Variants in UNKL observed in about 807,000 individuals in gnomAD.
The protein encoded by UNKL is unk like zinc finger.
UNKL carries 60 observed loss-of-function variants against 78.0 expected under a neutral mutation model. That is an observed-to-expected ratio of 0.77 (90% CI 0.63 to 0.95). The LOEUF is 0.95. Ranked by LOEUF, UNKL falls within the 40% of genes least tolerant of loss-of-function variation. The pLI, the probability that UNKL is intolerant of heterozygous loss-of-function variation, is 0.00. For synonymous variants in UNKL, 608 were observed against 474.8 expected (o/e 1.28, Z -3.65); for missense variants, 1,159 against 1,045.7 (o/e 1.11, Z -1.49).
chr16:1,400,518 T>C (rs957170472), intron 4 of UNKL, among the ~76,000 whole-genome samples: 2 of 138,984 alleles, frequency 1.4e-5, no homozygotes, highest in African/African-American at 5.3e-5. Context: ...GGCCAGTGAG[T>C]GCAGGGACCA....
intron 12 of UNKL, 191 bp downstream of exon 12, chr16:1,369,939 C>T: frequency 6.5e-7 from 1 of 1,547,980 alleles, no homozygotes; most frequent in Non-Finnish European, 8.7e-7. Flanking sequence ...CGTACCATTG[C>T]AGTCCAACCT....
intron 8 of UNKL, among the ~76,000 whole-genome samples, chr16:1,392,386 G>A (rs373372150): frequency 3.4e-4 from 51 of 152,104 alleles, no homozygotes; most frequent in African/African-American, 1.2e-3. Flanking sequence ...CTTACCTTCC[G>A]CCAGTCTCCC....
At position 1,365,645 on chromosome 16, in the gene UNKL, G is replaced by A. The variant is rs1344051297; in HGVS notation, c.*595C>T. The stretch of plus-strand genomic sequence containing the variant: ...TAATTGGAAAATGTAAAAATCCTAG[G>A]TCTTACTACTAGATAAACACTCATT... On this transcript the variant is annotated 3_prime_UTR_variant, in exon 15 of 15. Coordinates refer to ENST00000389221, the MANE Select transcript of UNKL (RefSeq NM_001372107.1). The A allele has an allele frequency of 6.6e-6, 1 of 152,390 alleles. No homozygotes were observed. The highest frequency in any genetic ancestry group is 1.5e-5 in the Non-Finnish European group (1 of 68,000). 9.4% of individuals were successfully genotyped at this position (152,390 alleles called of 1,614,324 possible). A position where few individuals can be genotyped will look rare whatever the true frequency, so the allele number is the denominator to read the frequency against.
chr16:1,377,870 G>A (rs545049952), intron 10 of UNKL, among the ~76,000 whole-genome samples: 1 of 152,070 alleles, frequency 6.6e-6, no homozygotes, highest in Non-Finnish European at 1.5e-5. Flanking sequence ...TGGGCTGCTC[G>A]CTCAACCCAC....
At chr16:1,393,070 C>CGCA (rs1230666321) in intron 7 of UNKL, 94 bp from the exon 8 acceptor site, 1 of 1,296,892 alleles carries the variant, frequency 7.7e-7, no homozygotes, top group African/African-American at 1.5e-5. Flanking sequence ...GCCGAGTGTG[C>CGCA]GCAGCCTCGT....
intron 10 of UNKL, among the ~76,000 whole-genome samples, chr16:1,376,982 T>C (rs551505842): frequency 7.2e-5 from 11 of 152,096 alleles, no homozygotes; most frequent in East Asian, 5.8e-4. Flanking sequence ...GCCACGTACC[T>C]AGGTGCGACG....
intron 6 of UNKL, chr16:1,396,952 C>T: frequency 1.8e-6 from 1 of 556,636 alleles, no homozygotes; most frequent in Non-Finnish European, 3.2e-6. Flanking sequence ...TCTTCTGTTA[C>T]AGGCCAAGTG....
chr16:1,380,673 A>ATTTTTTTTTTTTTTTT lies in UNKL; in HGVS notation c.1264+4519_1264+4534dup, dbSNP rs57595079. ...TTCACCTCTGAGTAGCTGGTTCAGG[A>ATTTTTTTTTTTTTTTT]TTTTTTTTTTTTTTTTTTTGAGAAC... is the stretch of plus-strand genomic sequence containing the variant. On this transcript the variant is annotated intron_variant, in intron 10 of 14. Coordinates refer to ENST00000389221, the MANE Select transcript of UNKL (RefSeq NM_001372107.1). Among the ~76,000 whole-genome samples the ATTTTTTTTTTTTTTTT allele has an allele frequency of 4.8e-4, 48 of 99,396 alleles. 4 individuals are homozygous for ATTTTTTTTTTTTTTTT. The highest frequency in any genetic ancestry group is 1.7e-3 in the African/African-American group (41 of 24,752). 65.2% of individuals were successfully genotyped at this position (99,396 alleles called of 152,430 possible). A position where few individuals can be genotyped will look rare whatever the true frequency, so the allele number is the denominator to read the frequency against.
rs1214607184 is a variant in UNKL at position 1,387,564 on chromosome 16, G to A, written c.1087-2179C>T. 1.3e-5 allele frequency among the ~76,000 whole-genome samples: 2 copies of A among 152,308 alleles called. No homozygotes were observed. Among genetic ancestry groups the A allele is most frequent in the African/African-American group, 4.8e-5 (2 of 41,556 alleles). ...GAGCCGACCTTCTCTACCAGCAAAG[G>A]ACAGGGCCACCTGGGCTGTGGGGCT... is the stretch of plus-strand genomic sequence containing the variant. On this transcript the variant is annotated intron_variant, in intron 9 of 14. Coordinates refer to ENST00000389221, the MANE Select transcript of UNKL (RefSeq NM_001372107.1). The surrounding 1 kb of genome is among the most constrained non-coding windows in gnomAD (Gnocchi z 4.1).
chr16:1,411,033 C>T (rs974227168), intron 2 of UNKL, among the ~76,000 whole-genome samples: 2 of 151,930 alleles, frequency 1.3e-5, no homozygotes, highest in African/African-American at 2.4e-5. Flanking sequence ...GGTAACACAG[C>T]GAGACTCCAT....
chr16:1,414,638 C>T lies in UNKL; in HGVS notation c.54G>A (p.Gln18=). 8.9e-7 allele frequency: 1 copy of T among 1,123,972 alleles called. No individual in the cohort carries two copies. The highest frequency in any genetic ancestry group is 1.1e-6 in the Non-Finnish European group (1 of 909,862). 69.6% of individuals were successfully genotyped at this position (1,123,972 alleles called of 1,614,324 possible). A position where few individuals can be genotyped will look rare whatever the true frequency, so the allele number is the denominator to read the frequency against. Residue 18 remains glutamine, a synonymous_variant, in exon 1 of 15, where the codon CAG becomes CAA. Coordinates refer to ENST00000389221, the MANE Select transcript of UNKL (RefSeq NM_001372107.1). Reference sequence around the variant, plus strand: ...ACCTGTAGTGGGTCGGCTTCTCAGTCTGCGGGGGGGACCCGCTCAGCGCCG... The same window carrying T: ...ACCTGTAGTGGGTCGGCTTCTCAGTTTGCGGGGGGGACCCGCTCAGCGCCG... ...AAAALSGSPP[Q]TEKPTHYRYL...
At chr16:1,398,379 T>C in intron 5 of UNKL, 3 of 1,018,774 alleles carry the variant, frequency 2.9e-6, no homozygotes, top group Non-Finnish European at 3.5e-6. Context: ...AAAAATAATT[T>C]TTATTTTCTT....
chr16:1,398,023 G>A (rs1245569445), intron 5 of UNKL, among the ~76,000 whole-genome samples: 1 of 152,258 alleles, frequency 6.6e-6, no homozygotes, highest in Admixed American at 6.5e-5. Flanking sequence ...TTTAACTTGA[G>A]TCTCAGTCAG....
At chr16:1,378,797 G>A (rs1177528795) in intron 10 of UNKL, 2 of 152,178 alleles carry the variant, frequency 1.3e-5, no homozygotes, top group East Asian at 3.9e-4. Context: ...AGAGGGTCCT[G>A]GAGGCTCCAC....
Position 1,399,168 on chromosome 16 carries a change from G to A in UNKL, c.734+206C>T. The A allele has an allele frequency of 9.0e-7, 1 of 1,106,730 alleles. No homozygotes were observed. The highest frequency in any genetic ancestry group is 1.2e-6 in the Non-Finnish European group (1 of 803,944). The allele number at this position is 1,106,730 out of a possible 1,614,324, so 68.6% of individuals were successfully genotyped here. Reference sequence around the variant, plus strand: ...ACTGCATGGGAGACACTGAGCGTAGGTGGGGAGGCCCATCCCCAGGACAGA... The same window carrying A: ...ACTGCATGGGAGACACTGAGCGTAGATGGGGAGGCCCATCCCCAGGACAGA... On this transcript the variant is annotated intron_variant, in intron 5 of 14. Coordinates refer to ENST00000389221, the MANE Select transcript of UNKL (RefSeq NM_001372107.1). This position sits in a 1 kb window ranked among gnomAD's most constrained non-coding sequence, Gnocchi z 5.8.
intron 14 of UNKL, 131 bp downstream of exon 14, chr16:1,366,961 C>T: frequency 1.4e-6 from 2 of 1,417,904 alleles, no homozygotes; most frequent in Non-Finnish European, 1.8e-6. Context: ...ACCGTCTCCT[C>T]CTCCCTAGGC....
chr16:1,388,667 G>A (rs537245651), intron 9 of UNKL, among the ~76,000 whole-genome samples: 21 of 152,278 alleles, frequency 1.4e-4, no homozygotes, highest in Non-Finnish European at 2.6e-4. Context: ...CCATCCACAT[G>A]AGGGATGGGC....
At position 1,397,317 on chromosome 16, in the gene UNKL, G is replaced by A. The variant is rs1481294167; in HGVS notation, c.735-22C>T. The A allele has an allele frequency of 5.7e-6, 4 of 707,690 alleles. No homozygotes were observed. In the African/African-American group the frequency reaches 7.3e-5, roughly 13 times the overall value. The allele number at this position is 707,690 out of a possible 1,614,324, so 43.8% of individuals were successfully genotyped here. A position where few individuals can be genotyped will look rare whatever the true frequency, so the allele number is the denominator to read the frequency against. ...GGACCTGGGGATGAGGAGGTGTCAG[G>A]GGGACACAGAGGACTTGGCTCCCCG... On this transcript the variant is annotated intron_variant, in intron 5 of 14. Coordinates refer to ENST00000389221, the MANE Select transcript of UNKL (RefSeq NM_001372107.1).
At chr16:1,409,155 G>A (rs1352231739) in intron 2 of UNKL, among the ~76,000 whole-genome samples, 1 of 152,126 alleles carries the variant, frequency 6.6e-6, no homozygotes, top group Non-Finnish European at 1.5e-5. Flanking sequence ...CTCGTGATCT[G>A]CCCGCCTCGG....
Sources: gnomAD v4.1 joint callset for allele counts (sites outside exome capture counted in the v4.1 genomes callset) on GRCh38, gnomAD v4.1.1 for gene constraint, Gnocchi (gnomAD v3.1) non-coding constraint, MANE v1.5 for transcripts, NCBI Gene and HGNC (gene_info 2026-07-23, HGNC 2026-07-21) for gene names.